Variants in PTPRN2 observed in about 807,000 individuals in gnomAD.
The protein encoded by PTPRN2 is receptor-type tyrosine-protein phosphatase N2.
A neutral mutation model predicts 118.8 loss-of-function variants in PTPRN2; 74 were observed. The ratio of observed to expected loss-of-function variants is 0.62; its 90% CI spans 0.52 to 0.76. The LOEUF is 0.76. Ranked by LOEUF, PTPRN2 falls within the 30% of genes least tolerant of loss-of-function variation. PTPRN2 has a pLI of 0.00. For missense variants in PTPRN2, 1,481 were observed against 1,394.4 expected, an observed-to-expected ratio of 1.06 and a Z score of -0.99; for synonymous variants, 641 against 608.0, an observed-to-expected ratio of 1.05 and a Z score of -0.80.
rs1802266697 is a variant in PTPRN2, at chr7:157,763,473, C to G, written c.1789-80536G>C. On this transcript the variant is annotated intron_variant, in intron 12 of 22. Transcript: ENST00000389418. The surrounding 1 kb of genome is among the most constrained non-coding windows in gnomAD (Gnocchi z 4.9). ...GCTGGTGTGGCCTCGAGTCCCTTCT[C>G]CTAGCCCCAAACCCCACGGCACAGT... Among the ~76,000 whole-genome samples, 1 of 152,100 alleles carries G rather than the reference C, an allele frequency of 6.6e-6. No individual in the cohort carries two copies. The highest frequency in any genetic ancestry group is 6.5e-5 in the Admixed American group (1 of 15,280).
At chr7:158,153,565 T>TC (rs1821406910) in intron 6 of PTPRN2, among the ~76,000 whole-genome samples, 1 of 151,918 alleles carries the variant, frequency 6.6e-6, no homozygotes, top group East Asian at 1.9e-4. Context: ...AGCGAGCCAC[T>TC]CCCCCATCGC....
At chr7:158,080,579 T>TAA (rs372522598) in intron 11 of PTPRN2, among the ~76,000 whole-genome samples, 4,149 of 141,840 alleles carry the variant, frequency 0.029, 77 homozygotes, top group East Asian at 0.058. Context: ...TCAACAAGTT[T>TAA]AAAAAAAAAA....
At chr7:157,799,779 CAG>C (rs1234028143) in intron 12 of PTPRN2, among the ~76,000 whole-genome samples, 2 of 147,122 alleles carry the variant, frequency 1.4e-5, no homozygotes, top group Non-Finnish European at 3.0e-5. Flanking sequence ...CTCCATCCCT[CAG>C]AGTCACCACA....
chr7:157,709,985 C>T (rs1798521507), intron 12 of PTPRN2, among the ~76,000 whole-genome samples: 1 of 152,138 alleles, frequency 6.6e-6, no homozygotes, highest in Non-Finnish European at 1.5e-5. Context: ...ACCGTGGATG[C>T]TGGAGAGAGG....
chr7:157,914,404 C>T (rs990942086), intron 11 of PTPRN2, among the ~76,000 whole-genome samples: 2 of 152,022 alleles, frequency 1.3e-5, no homozygotes, highest in African/African-American at 4.8e-5. Context: ...TTCTGGAGTG[C>T]TCTGCTGGAA....
In PTPRN2 at chr7:157,690,020, C is replaced by T. The variant is rs1455670736; in HGVS notation, c.1789-7083G>A. Reference sequence around the variant, plus strand: ...CTCCTTTCCCACACGCCTCCCATCTCCGTGCCTGCACCCCCCCACCCCCAG... The same window carrying T: ...CTCCTTTCCCACACGCCTCCCATCTTCGTGCCTGCACCCCCCCACCCCCAG... On this transcript the variant is annotated intron_variant, in intron 12 of 22. Coordinates refer to ENST00000389418, the MANE Select transcript of PTPRN2 (RefSeq NM_002847.5). This position sits in a 1 kb window ranked among gnomAD's most constrained non-coding sequence, Gnocchi z 7.1. Among the ~76,000 whole-genome samples, 1 of 152,232 alleles carries T rather than the reference C, an allele frequency of 6.6e-6. No homozygotes were observed. Among genetic ancestry groups the T allele is most frequent in the African/African-American group, 2.4e-5 (1 of 41,466 alleles).
At chr7:158,155,854 C>T (rs534586394) in intron 6 of PTPRN2, among the ~76,000 whole-genome samples, 27 of 152,226 alleles carry the variant, frequency 1.8e-4, no homozygotes, top group African/African-American at 6.5e-4. Context: ...GGACTGTGCT[C>T]CTTTGGTTTA....
intron 11 of PTPRN2, among the ~76,000 whole-genome samples, chr7:157,991,515 C>G (rs980321055): frequency 3.3e-5 from 5 of 152,338 alleles, no homozygotes; most frequent in African/African-American, 1.2e-4. Context: ...CCGGGTGCTG[C>G]CCGTGCAGGG....
At chr7:158,536,394 C>T (rs1825645165) in intron 1 of PTPRN2, among the ~76,000 whole-genome samples, 1 of 152,216 alleles carries the variant, frequency 6.6e-6, no homozygotes, top group African/African-American at 2.4e-5. Context: ...CACATGAAGA[C>T]ACAAGGGCCT....
rs1376974999 is a variant in PTPRN2 at position 158,171,282 on chromosome 7, T to TATATATACACAC, written c.550-4003_550-3992dup. 8.3e-4 allele frequency among the ~76,000 whole-genome samples: 16 copies of TATATATACACAC among 19,290 alleles called. 1 individual carries two copies. The highest frequency in any genetic ancestry group is 4.2e-3 in the South Asian group (3 of 718). The allele number at this position is 19,290 out of a possible 152,430, so 12.7% of individuals were successfully genotyped here. On this transcript the variant is annotated intron_variant, in intron 5 of 22. Transcript: ENST00000389418. ...ATATATACACACATATATACACACA[T>TATATATACACAC]ATATATACACACATATATATACACA...
chr7:158,111,052 C>T (rs1463731366), intron 9 of PTPRN2, 137 bp from the exon 10 acceptor site: 1 of 714,814 alleles, frequency 1.4e-6, no homozygotes, highest in Non-Finnish European at 2.3e-6. Flanking sequence ...CAGCTGCCCC[C>T]TCAGGCACAA....
Position 158,011,797 on chromosome 7 carries a change from C to T in PTPRN2, c.1723+69501G>A, listed in dbSNP as rs187846283. 1.3e-3 allele frequency among the ~76,000 whole-genome samples: 200 copies of T among 152,084 alleles called. 3 individuals are homozygous for T. The East Asian group carries it at 0.021, about 16-fold the overall frequency. On this transcript the variant is annotated intron_variant, in intron 11 of 22. Coordinates refer to ENST00000389418, the MANE Select transcript of PTPRN2 (RefSeq NM_002847.5). ...CAGAGAAAGTGAGAGCAGATATATG[C>T]GAGATGAGTTTTGTTTTTAAAAAGA...
At chr7:157,716,227 T>A (rs1798898209) in intron 12 of PTPRN2, among the ~76,000 whole-genome samples, 1 of 152,202 alleles carries the variant, frequency 6.6e-6, no homozygotes, top group African/African-American at 2.4e-5. Context: ...AAGTCGCAGT[T>A]GTTGGGTGGG....
intron 12 of PTPRN2, among the ~76,000 whole-genome samples, chr7:157,875,797 G>A (rs1219762065): frequency 6.6e-6 from 1 of 150,730 alleles, no homozygotes; most frequent in Non-Finnish European, 1.5e-5. Flanking sequence ...CCCAGGGTGG[G>A]CACCGGGCTG....
intron 1 of PTPRN2, among the ~76,000 whole-genome samples, chr7:158,541,958 C>G (rs1826007221): frequency 6.6e-6 from 1 of 152,380 alleles, no homozygotes; most frequent in Non-Finnish European, 1.5e-5. Context: ...GGCTTTATTA[C>G]AACCATGAAT....
Position 158,337,765 on chromosome 7 carries a change from T to C in PTPRN2, c.164-20833A>G, listed in dbSNP as rs1199694493. Among the ~76,000 whole-genome samples the C allele has an allele frequency of 1.3e-3, 70 of 52,322 alleles. 1 individual carries two copies. The highest frequency in any genetic ancestry group is 2.9e-3 in the South Asian group (4 of 1,372). The allele number at this position is 52,322 out of a possible 152,430, so 34.3% of individuals were successfully genotyped here. On this transcript the variant is annotated intron_variant, in intron 2 of 22. Transcript: ENST00000389418. ...CACTCTCACCATAAGAGGTGACACC[T>C]GCAAACGTCACTCACACCCACACTC...
chr7:157,768,372 C>G (rs975307473), intron 12 of PTPRN2, among the ~76,000 whole-genome samples: 19 of 152,328 alleles, frequency 1.2e-4, no homozygotes, highest in Admixed American at 1.2e-3. Context: ...CGGGCAGAAC[C>G]GCACGCTACA....
rs1390775302 is a variant in PTPRN2 at position 157,787,761 on chromosome 7, C to A, written c.1789-104824G>T. Among the ~76,000 whole-genome samples, 1 of 152,064 alleles carries A rather than the reference C, an allele frequency of 6.6e-6. No individual in the cohort carries two copies. The highest frequency in any genetic ancestry group is 1.5e-5 in the Non-Finnish European group (1 of 67,988). On this transcript the variant is annotated intron_variant, in intron 12 of 22. Coordinates refer to ENST00000389418, the MANE Select transcript of PTPRN2 (RefSeq NM_002847.5). The surrounding 1 kb of genome is among the most constrained non-coding windows in gnomAD (Gnocchi z 5.3). ...CTGGGTGAGCCCAGCCCCATCTTTC[C>A]CTCGGACTTCATTTGTGCTCATGGC...
rs1346743941 is a variant in PTPRN2 at position 158,570,577 on chromosome 7, C to G, written c.112+16981G>C. 1.3e-5 allele frequency among the ~76,000 whole-genome samples: 2 copies of G among 152,158 alleles called. No homozygotes were observed. The highest frequency in any genetic ancestry group is 1.3e-4 in the Admixed American group (2 of 15,276). ...GAAGCCTCTCCCTGTGTCCTCCGTG[C>G]CCCCCGAGTGGCCTGCTAGCCCGCT... is the stretch of plus-strand genomic sequence containing the variant. On this transcript the variant is annotated intron_variant, in intron 1 of 22. Coordinates refer to ENST00000389418, the MANE Select transcript of PTPRN2 (RefSeq NM_002847.5). This position sits in a 1 kb window ranked among gnomAD's most constrained non-coding sequence, Gnocchi z 4.5.
Sources: gnomAD v4.1 joint callset for allele counts (sites outside exome capture counted in the v4.1 genomes callset) on GRCh38, gnomAD v4.1.1 for gene constraint, Gnocchi (gnomAD v3.1) non-coding constraint, MANE v1.5 for transcripts, NCBI Gene and HGNC (gene_info 2026-07-23, HGNC 2026-07-21) for gene names.